CHST15: variants seen among roughly 807,000 people sequenced by gnomAD.
CHST15 encodes B cell RAG associated protein (GALNAC4S-6ST).
In CHST15, 30 loss-of-function variants were observed where a neutral mutation model predicts 53.6. The ratio of observed to expected loss-of-function variants is 0.56; its 90% CI spans 0.42 to 0.76. The LOEUF is 0.76. Among genes scored for constraint, CHST15 ranks in the 30% least tolerant of loss-of-function variants. The pLI is 0.00. For synonymous variants in CHST15, 296 were observed against 289.8 expected, an observed-to-expected ratio of 1.02 and a Z score of -0.22; for missense variants, 627 against 740.5, an observed-to-expected ratio of 0.85 and a Z score of 1.78.
chr10:124,063,261 TA>T (rs1397555045), intron 1 of CHST15, among the ~76,000 whole-genome samples: 1 of 152,072 alleles, frequency 6.6e-6, no homozygotes, highest in Non-Finnish European at 1.5e-5. Context: ...CAGGCACCTG[TA>T]ATCCCAGCTA....
Position 124,038,681 on chromosome 10 carries a change from G to T in CHST15, c.1034-10C>A. The T allele has an allele frequency of 6.2e-7, 1 of 1,613,656 alleles. No individual in the cohort carries two copies. Among genetic ancestry groups the T allele is most frequent in the Non-Finnish European group, 8.5e-7 (1 of 1,179,774 alleles). On this transcript the variant is annotated splice_polypyrimidine_tract_variant and intron_variant, in intron 4 of 7. Transcript: ENST00000435907. ...GAGGCACTGGCCTCCCCTGGAAACA[G>T]AAAACACTCCAAGTGAGCAGGGGTG... is the stretch of plus-strand genomic sequence containing the variant.
At chr10:124,088,404 C>T (rs967672550) in intron 1 of CHST15, among the ~76,000 whole-genome samples, 2 of 152,238 alleles carry the variant, frequency 1.3e-5, no homozygotes, top group South Asian at 2.1e-4. Flanking sequence ...AGGGCAGAAA[C>T]GCTGCAGGTC....
chr10:124,025,611 C>T (rs889459507), intron 5 of CHST15, among the ~76,000 whole-genome samples: 7 of 152,174 alleles, frequency 4.6e-5, no homozygotes, highest in African/African-American at 1.7e-4. Flanking sequence ...ATAGTGGACA[C>T]CAAAGAATTA....
intron 1 of CHST15, among the ~76,000 whole-genome samples, chr10:124,070,096 G>A (rs1193596412): frequency 6.6e-6 from 1 of 152,188 alleles, no homozygotes; most frequent in Admixed American, 6.5e-5. Context: ...ACAAAGGACA[G>A]GATTTTTCTT....
chr10:124,039,089 A>C (rs754153676), intron 4 of CHST15, among the ~76,000 whole-genome samples: 27 of 152,204 alleles, frequency 1.8e-4, no homozygotes, highest in Admixed American at 1.8e-3. Context: ...GCCAAAACAT[A>C]AACAGCAGTT....
intron 1 of CHST15, among the ~76,000 whole-genome samples, chr10:124,083,229 G>C (rs964261311): frequency 6.6e-6 from 1 of 152,142 alleles, no homozygotes; most frequent in African/African-American, 2.4e-5. Context: ...GGCTTCCTAA[G>C]TGATCCAGCG....
chr10:124,072,210 C>T (rs1948938011), intron 1 of CHST15, among the ~76,000 whole-genome samples: 1 of 152,238 alleles, frequency 6.6e-6, no homozygotes, highest in African/African-American at 2.4e-5. Context: ...TTTAGCCAGC[C>T]ACTGCCACTG....
At chr10:124,038,416 T>C in intron 5 of CHST15, 99 bp downstream of exon 5, 1 of 1,437,838 alleles carries the variant, frequency 7.0e-7, no homozygotes, top group Non-Finnish European at 9.6e-7. Context: ...TGTTTAATTT[T>C]TTCTAAAGGA....
intron 1 of CHST15, among the ~76,000 whole-genome samples, chr10:124,050,839 G>A (rs145470855): frequency 6.6e-6 from 1 of 152,310 alleles, no homozygotes; most frequent in Non-Finnish European, 1.5e-5. Flanking sequence ...GCTGGTGGGG[G>A]TGGAAACCTG....
intron 1 of CHST15, among the ~76,000 whole-genome samples, chr10:124,075,623 C>T (rs1301313291): frequency 6.6e-6 from 1 of 152,172 alleles, no homozygotes; most frequent in Non-Finnish European, 1.5e-5. Flanking sequence ...CCACCCCCTA[C>T]ACTCCCTTCC....
At chr10:124,066,817 G>C (rs1948763384) in intron 1 of CHST15, among the ~76,000 whole-genome samples, 1 of 152,194 alleles carries the variant, frequency 6.6e-6, no homozygotes, top group African/African-American at 2.4e-5. Context: ...TCATTTCCTG[G>C]GCTGCGTCTC....
rs115685205 is a variant in CHST15 at position 124,032,784 on chromosome 10, T to G, written c.1190+5731A>C. On this transcript the variant is annotated intron_variant, in intron 5 of 7. Coordinates refer to ENST00000435907, the MANE Select transcript of CHST15 (RefSeq NM_001270764.2). ...CCATATGAACCATCCCATCCACTTG[T>G]TTCCATTATTCCTCTGTTCTCCTCC... is the stretch of plus-strand genomic sequence containing the variant. 9.4e-3 allele frequency among the ~76,000 whole-genome samples: 1,402 copies of G among 149,428 alleles called. 20 individuals carry two copies. Among genetic ancestry groups the G allele is most frequent in the African/African-American group, 0.033 (1,326 of 40,016 alleles).
intron 1 of CHST15, among the ~76,000 whole-genome samples, chr10:124,064,012 G>C (rs750146039): frequency 6.6e-6 from 1 of 152,232 alleles, no homozygotes. Context: ...CTGAGGCACA[G>C]TCATCTCCCA....
chr10:124,054,224 T>G (rs1315405217), intron 1 of CHST15, among the ~76,000 whole-genome samples: 1 of 152,220 alleles, frequency 6.6e-6, no homozygotes, highest in African/African-American at 2.4e-5. Context: ...TCCTGATGAC[T>G]GGGACACATC....
chr10:124,025,011 T>G (rs1946941203), intron 5 of CHST15, among the ~76,000 whole-genome samples: 1 of 152,380 alleles, frequency 6.6e-6, no homozygotes, highest in South Asian at 2.1e-4. Context: ...TTGGTGGAAC[T>G]GGAATTCCAT....
chr10:124,092,112 C>T (rs562901161), intron 1 of CHST15, among the ~76,000 whole-genome samples: 1 of 152,236 alleles, frequency 6.6e-6, no homozygotes, highest in African/African-American at 2.4e-5. Context: ...CCCTTCGCCC[C>T]GGCGCCTCTA....
intron 1 of CHST15, among the ~76,000 whole-genome samples, chr10:124,072,562 G>A (rs773483351): frequency 9.2e-5 from 14 of 152,124 alleles, no homozygotes; most frequent in Non-Finnish European, 1.5e-4. Context: ...TCTTGACTGA[G>A]CCATTAAATG....
rs117252336 is a variant in CHST15 at position 124,044,938 on chromosome 10, G to A, written c.547-19C>T. On this transcript the variant is annotated intron_variant, in intron 2 of 7. Coordinates refer to ENST00000435907, the MANE Select transcript of CHST15 (RefSeq NM_001270764.2). ...AAAACATCTGCAAGGAAACAGAGGA[G>A]GAGAGACACAGAGGAGGGGAAAATG... 4.4e-3 allele frequency: 6,286 copies of A among 1,423,064 alleles called. 212 individuals are homozygous for A. In the South Asian group the frequency reaches 0.064, roughly 15 times the overall value. The allele number at this position is 1,423,064 out of a possible 1,614,324, so 88.2% of individuals were successfully genotyped here.
rs755244050 is a variant in CHST15, at chr10:124,045,863, G to C, written c.350C>G (p.Pro117Arg). The change falls in exon 2 of 8, where the codon CCC (proline) becomes CGC (arginine). Residue 117 changes from proline to arginine, a missense_variant. Coordinates refer to ENST00000435907, the MANE Select transcript of CHST15 (RefSeq NM_001270764.2). ...GCTGTCCATCAAGCTGGGGTTGCTG[G>C]GGAAGCCTCCGTAATGGAAAGGTGA... ...ISSPFHYGGFPSNPSLMDSEN... is the reference protein window; with the variant it reads ...ISSPFHYGGFRSNPSLMDSEN... The C allele has an allele frequency of 6.2e-7, 1 of 1,613,944 alleles. No individual in the cohort carries two copies. Among genetic ancestry groups the C allele is most frequent in the Non-Finnish European group, 8.5e-7 (1 of 1,179,986 alleles).
Sources: allele counts gnomAD v4.1 joint callset (sites outside exome capture counted in the v4.1 genomes callset), GRCh38; gene constraint gnomAD v4.1.1; transcripts MANE v1.5; gene names NCBI Gene and HGNC (gene_info 2026-07-23, HGNC 2026-07-21).